The following ZBTB40 variants were observed in gnomAD, a reference collection of about 807,000 sequenced individuals.
ZBTB40 encodes the protein zinc finger and BTB domain containing 40.
Under a neutral mutation model 117.5 loss-of-function variants are expected in ZBTB40, and 60 were observed. The ratio of observed to expected loss-of-function variants is 0.51; its 90% CI spans 0.41 to 0.63. ZBTB40 has a LOEUF of 0.63. Among genes scored for constraint, ZBTB40 ranks in the 30% least tolerant of loss-of-function variants. The pLI, the probability that ZBTB40 is intolerant of heterozygous loss-of-function variation, is 0.00. For synonymous variants in ZBTB40, 525 were observed against 577.1 expected (o/e 0.91, Z 1.29); for missense variants, 1,287 against 1,498.5 (o/e 0.86, Z 2.33).
At chr1:22,483,560 T>G (rs963293197) in intron 1 of ZBTB40, among the ~76,000 whole-genome samples, 1 of 152,226 alleles carries the variant, frequency 6.6e-6, no homozygotes, top group Non-Finnish European at 1.5e-5. Context: ...ATCTTTTCAT[T>G]TGCTTATTTG....
Position 22,489,843 on chromosome 1 carries a change from T to G in ZBTB40, c.-69-37T>G. 3.8e-6 allele frequency: 4 copies of G among 1,055,984 alleles called. No individual in the cohort carries two copies. The South Asian group carries it at 5.1e-5, about 13-fold the overall frequency. The allele number at this position is 1,055,984 out of a possible 1,614,324, so 65.4% of individuals were successfully genotyped here. On this transcript the variant is annotated intron_variant, in intron 1 of 17. Transcript: ENST00000375647. ...ATTCAAGGCCTTTCCCTATGGTTTT[T>G]TGAAGTTTTAACCTGGTATTTTGTG...
chr1:22,463,173 AAG>A (rs1641170118), intron 1 of ZBTB40, among the ~76,000 whole-genome samples: 1 of 152,190 alleles, frequency 6.6e-6, no homozygotes. Flanking sequence ...TTTAGCTGGT[AAG>A]AGGGGCAGAG....
chr1:22,522,584 C>A, intron 16 of ZBTB40, 121 bp downstream of exon 16: 1 of 966,110 alleles, frequency 1.0e-6, no homozygotes, highest in Non-Finnish European at 1.7e-6. Flanking sequence ...GTTTCTTCAT[C>A]TATAAAATGG....
At position 22,530,979 on chromosome 1, in the gene ZBTB40, T is replaced by C. The variant is rs1453898282; in HGVS notation, c.*4583T>C. 6.6e-6 allele frequency: 1 copy of C among 152,174 alleles called. No individual in the cohort carries two copies. The highest frequency in any genetic ancestry group is 1.5e-5 in the Non-Finnish European group (1 of 68,032). 9.4% of individuals were successfully genotyped at this position (152,174 alleles called of 1,614,324 possible). On this transcript the variant is annotated 3_prime_UTR_variant, in exon 18 of 18. Transcript: ENST00000375647. ...CAGCTGTCCCGCTGTCTAACTGACA[T>C]TGTGTGAGATGCTTACTCTCTCTGA... is the stretch of plus-strand genomic sequence containing the variant.
intron 1 of ZBTB40, 67 bp from the exon 2 acceptor site, chr1:22,489,813 G>T (rs1461721104): frequency 1.2e-6 from 1 of 805,814 alleles, no homozygotes; most frequent in Non-Finnish European, 2.1e-6. Flanking sequence ...TTCATTTAGC[G>T]TTTCATTCAA....
chr1:22,511,449 G>C, intron 10 of ZBTB40, 102 bp downstream of exon 10: 1 of 1,501,370 alleles, frequency 6.7e-7, no homozygotes, highest in Non-Finnish European at 9.1e-7. Flanking sequence ...ACAACCTTAA[G>C]TTACGTATTC....
intron 1 of ZBTB40, among the ~76,000 whole-genome samples, chr1:22,478,888 A>G (rs759591999): frequency 4.6e-5 from 7 of 152,170 alleles, no homozygotes; most frequent in Non-Finnish European, 7.4e-5. Flanking sequence ...CCAAAATAAG[A>G]TGTAGAACAT....
intron 13 of ZBTB40, among the ~76,000 whole-genome samples, chr1:22,518,203 G>T (rs115729087): frequency 0.022 from 3,373 of 152,230 alleles, 129 homozygotes; most frequent in African/African-American, 0.075. Flanking sequence ...GCACAGCAGG[G>T]GAGTTAAGAG....
intron 1 of ZBTB40, among the ~76,000 whole-genome samples, chr1:22,431,258 G>GTA: frequency 6.8e-6 from 1 of 146,030 alleles, no homozygotes; most frequent in African/African-American, 2.5e-5. Context: ...ATACAATATT[G>GTA]TATATATTGA....
At chr1:22,497,917 A>G (rs1013462157) in intron 3 of ZBTB40, among the ~76,000 whole-genome samples, 1 of 152,180 alleles carries the variant, frequency 6.6e-6, no homozygotes, top group African/African-American at 2.4e-5. Flanking sequence ...TGTAGTCTCT[A>G]TCATTATTGC....
intron 1 of ZBTB40, among the ~76,000 whole-genome samples, chr1:22,444,077 C>A (rs1024795482): frequency 6.6e-6 from 1 of 152,066 alleles, no homozygotes; most frequent in Non-Finnish European, 1.5e-5. Flanking sequence ...GTTAGGTGAC[C>A]ATCAGGTAAT....
chr1:22,507,913 C>T (rs546343576), intron 6 of ZBTB40, 88 bp from the exon 7 acceptor site: 10 of 1,600,970 alleles, frequency 6.2e-6, no homozygotes, highest in Non-Finnish European at 8.5e-6. Flanking sequence ...GCTGATTGCT[C>T]TCTTCCTCTC....
In ZBTB40 at chr1:22,527,582, A is replaced by G. The variant is rs539491515; in HGVS notation, c.*1186A>G. Reference sequence around the variant, plus strand: ...ATTTATCTTCTTTTCCTTCCATGCCAAAGGTTGGAGTCTGCTGGTGCGGTG... The same window carrying G: ...ATTTATCTTCTTTTCCTTCCATGCCGAAGGTTGGAGTCTGCTGGTGCGGTG... On this transcript the variant is annotated 3_prime_UTR_variant, in exon 18 of 18. Transcript: ENST00000375647. 7 of 152,448 alleles carry G rather than the reference A, an allele frequency of 4.6e-5. No individual in the cohort carries two copies. In the East Asian group the frequency reaches 1.3e-3, roughly 29 times the overall value. The allele number at this position is 152,448 out of a possible 1,614,324, so 9.4% of individuals were successfully genotyped here.
At chr1:22,510,998 T>C (rs543839711) in intron 9 of ZBTB40, among the ~76,000 whole-genome samples, 181 bp from the exon 10 acceptor site, 1 of 152,332 alleles carries the variant, frequency 6.6e-6, no homozygotes, top group South Asian at 2.1e-4. Context: ...TTTTGTTAGT[T>C]TTCCTGTTCT....
intron 6 of ZBTB40, 90 bp from the exon 7 acceptor site, chr1:22,507,911 C>A (rs376678199): frequency 1.9e-6 from 3 of 1,596,430 alleles, no homozygotes. Context: ...GTGCTGATTG[C>A]TCTCTTCCTC....
intron 8 of ZBTB40, 78 bp downstream of exon 8, chr1:22,508,809 C>T (rs771345901): frequency 6.9e-7 from 1 of 1,443,912 alleles, no homozygotes; most frequent in Non-Finnish European, 9.5e-7. Context: ...AGGAAGAGCT[C>T]TCTTAACGGT....
At chr1:22,521,457 G>C (rs2124472248) in intron 14 of ZBTB40, 39 bp from the exon 15 acceptor site, 2 of 1,614,122 alleles carry the variant, frequency 1.2e-6, no homozygotes, top group Non-Finnish European at 1.7e-6. Flanking sequence ...CAGCTTGCTG[G>C]AACTTTCTAA....
chr1:22,493,792 A>G (rs1557505193), intron 3 of ZBTB40, among the ~76,000 whole-genome samples: 1 of 129,990 alleles, frequency 7.7e-6, no homozygotes. Flanking sequence ...AGATTCACCC[A>G]TGTTTTTTTT....
intron 1 of ZBTB40, among the ~76,000 whole-genome samples, chr1:22,434,997 T>G (rs1640651457): frequency 6.6e-6 from 1 of 152,088 alleles, no homozygotes; most frequent in Non-Finnish European, 1.5e-5. Context: ...TTGCTCGAGT[T>G]TTTCGTTTTA....
Sources: gnomAD v4.1 joint callset for allele counts (sites outside exome capture counted in the v4.1 genomes callset) on GRCh38, gnomAD v4.1.1 for gene constraint, MANE v1.5 for transcripts, NCBI Gene and HGNC (gene_info 2026-07-23, HGNC 2026-07-21) for gene names.